The following THSD7B variants were observed in gnomAD, a reference collection of about 807,000 sequenced individuals.
The protein encoded by THSD7B is thrombospondin type 1 domain containing 7B, also known as thrombospondin type-1 domain-containing protein 7B.
Under a neutral mutation model 213.6 loss-of-function variants are expected in THSD7B, and 138 were observed. That is an observed-to-expected ratio of 0.65 (90% confidence interval 0.56 to 0.74). The LOEUF is 0.74. THSD7B is among the 30% of genes least tolerant of loss of function. The pLI, the probability that THSD7B is intolerant of heterozygous loss-of-function variation, is 0.00. For missense variants in THSD7B, 1,931 were observed against 1,991.5 expected (o/e 0.97, Z 0.58); for synonymous variants, 742 against 687.0 (o/e 1.08, Z -1.25).
chr2:136,770,861 G>C (rs528782625), intron 1 of THSD7B, among the ~76,000 whole-genome samples: 1 of 151,780 alleles, frequency 6.6e-6, no homozygotes, highest in Admixed American at 6.6e-5. Flanking sequence ...GAGCCCAAAG[G>C]TATCAAAACC....
chr2:136,793,180 G>A (rs1681998556), intron 1 of THSD7B, among the ~76,000 whole-genome samples: 1 of 152,022 alleles, frequency 6.6e-6, no homozygotes, highest in Non-Finnish European at 1.5e-5. Context: ...AATAGCAGTA[G>A]CATTTTGCAT....
intron 17 of THSD7B, among the ~76,000 whole-genome samples, chr2:137,581,027 T>G (rs1681562248): frequency 6.6e-6 from 1 of 152,180 alleles, no homozygotes; most frequent in South Asian, 2.1e-4. Context: ...CTCTATCAAC[T>G]GGCTTTAATC....
At chr2:137,573,065 A>T in intron 17 of THSD7B, among the ~76,000 whole-genome samples, 1 of 87,082 alleles carries the variant, frequency 1.1e-5, no homozygotes, top group Non-Finnish European at 2.6e-5. Context: ...AAATACCTTA[A>T]AAAAAAAAAA....
rs375740383 is a variant in THSD7B, at chr2:136,766,241, CAAG to C, written c.-36+558_-36+560del. Among the ~76,000 whole-genome samples, 5 of 152,210 alleles carry C rather than the reference CAAG, an allele frequency of 3.3e-5. No homozygotes were observed. In the East Asian group the frequency reaches 5.8e-4, roughly 18 times the overall value. On this transcript the variant is annotated intron_variant, in intron 1 of 27. Transcript: ENST00000409968. ...GCCAGTGGAGGATAGCTGAGCAAGC[CAAG>C]AAGTTTTGCAGCTTCCTCTGATTTA...
At chr2:137,559,868 G>A (rs1681070606) in intron 15 of THSD7B, among the ~76,000 whole-genome samples, 1 of 151,646 alleles carries the variant, frequency 6.6e-6, no homozygotes, top group Non-Finnish European at 1.5e-5. Context: ...AAATTTACAG[G>A]AAAGAAACAG....
intron 2 of THSD7B, among the ~76,000 whole-genome samples, chr2:136,956,044 A>AG (rs1428939290): frequency 6.6e-6 from 1 of 151,846 alleles, no homozygotes; most frequent in Non-Finnish European, 1.5e-5. Flanking sequence ...AAAGAAAAAA[A>AG]AAAAAAAGAA....
intron 14 of THSD7B, among the ~76,000 whole-genome samples, chr2:137,450,352 T>G (rs1687623611): frequency 6.6e-6 from 1 of 152,232 alleles, no homozygotes; most frequent in African/African-American, 2.4e-5. Context: ...CTTCTTTCAA[T>G]AATATCCCAC....
chr2:137,126,472 T>G, intron 5 of THSD7B, among the ~76,000 whole-genome samples: 1 of 118,656 alleles, frequency 8.4e-6, no homozygotes, highest in Non-Finnish European at 1.6e-5. Context: ...GCCCCACAGC[T>G]TCCTCAGCTC....
intron 5 of THSD7B, among the ~76,000 whole-genome samples, chr2:137,143,300 C>A (rs935944930): frequency 2.0e-5 from 3 of 152,120 alleles, no homozygotes; most frequent in African/African-American, 7.2e-5. Flanking sequence ...AAATCTAATT[C>A]CTCCAGTCAA....
At chr2:137,577,551 C>G (rs933374580) in intron 17 of THSD7B, among the ~76,000 whole-genome samples, 3 of 151,982 alleles carry the variant, frequency 2.0e-5, no homozygotes, top group African/African-American at 7.2e-5. Context: ...ATGAAATTCT[C>G]AGTTATAAAA....
At chr2:137,189,568 C>G (rs79789126) in intron 7 of THSD7B, among the ~76,000 whole-genome samples, 1 of 138,420 alleles carries the variant, frequency 7.2e-6, no homozygotes, top group South Asian at 2.3e-4. Context: ...CTATGCCCTC[C>G]AGAGCTTGGT....
At chr2:136,987,812 C>G (rs767434887) in intron 2 of THSD7B, among the ~76,000 whole-genome samples, 11 of 152,174 alleles carry the variant, frequency 7.2e-5, no homozygotes, top group Non-Finnish European at 1.3e-4. Flanking sequence ...GAAGTAATAA[C>G]AGATTTTTGC....
intron 17 of THSD7B, among the ~76,000 whole-genome samples, chr2:137,613,758 T>C (rs1028656636): frequency 1.3e-5 from 2 of 152,170 alleles, no homozygotes; most frequent in Non-Finnish European, 2.9e-5. Context: ...CTTGATCTAA[T>C]AAAGAAATCA....
intron 1 of THSD7B, among the ~76,000 whole-genome samples, chr2:136,812,250 TC>T (rs1218552531): frequency 1.3e-5 from 2 of 152,242 alleles, no homozygotes; most frequent in Non-Finnish European, 2.9e-5. Context: ...ATTGTATTTT[TC>T]TTGTTTAATT....
intron 1 of THSD7B, among the ~76,000 whole-genome samples, chr2:136,878,901 G>A (rs531423400): frequency 5.3e-5 from 8 of 152,280 alleles, no homozygotes; most frequent in Admixed American, 2.6e-4. Context: ...CTTTTGCGGT[G>A]CAGCAGCTCT....
In THSD7B at chr2:137,616,315, A is replaced by G; in HGVS notation, c.3564A>G (p.Thr1188=). ...GCTTCCAGTTCCAGTACAATCTAAC[A>G]GGTACAGTTAAAATCTATGACCTTG... ...ENCFQFQYNL[T]EWSTCQLSEN... The change falls in exon 18 of 28, where the codon ACA becomes ACG. Residue 1188 remains threonine (T), a splice_region_variant and synonymous_variant. Coordinates refer to ENST00000409968, the MANE Select transcript of THSD7B (RefSeq NM_001316349.2). 6.2e-7 allele frequency: 1 copy of G among 1,612,228 alleles called. No individual in the cohort carries two copies. The highest frequency in any genetic ancestry group is 8.5e-7 in the Non-Finnish European group (1 of 1,179,214).
intron 1 of THSD7B, among the ~76,000 whole-genome samples, chr2:136,794,936 G>A (rs1004825767): frequency 5.9e-5 from 9 of 151,804 alleles, no homozygotes; most frequent in African/African-American, 1.5e-4. Flanking sequence ...TAAAACTTCT[G>A]GTCCAAGAGT....
At chr2:137,237,113 C>CA (rs70978209) in intron 9 of THSD7B, among the ~76,000 whole-genome samples, 25,447 of 108,220 alleles carry the variant, frequency 0.24, 3,398 homozygotes, top group South Asian at 0.37. Flanking sequence ...AACTCCGTCT[C>CA]AAAAAAAAAA....
At chr2:137,456,154 T>C (rs1260650051) in intron 15 of THSD7B, among the ~76,000 whole-genome samples, 1 of 152,202 alleles carries the variant, frequency 6.6e-6, no homozygotes, top group Non-Finnish European at 1.5e-5. Context: ...GCTGCTATTT[T>C]AAAGGTGTGT....
Sources: allele counts gnomAD v4.1 joint callset (sites outside exome capture counted in the v4.1 genomes callset), GRCh38; gene constraint gnomAD v4.1.1; transcripts MANE v1.5; gene names NCBI Gene and HGNC (gene_info 2026-07-23, HGNC 2026-07-21).